RBFOX1: variants seen among roughly 807,000 people sequenced by gnomAD.
The protein encoded by RBFOX1 is RNA binding protein fox-1 homolog 1.
Under a neutral mutation model 57.7 loss-of-function variants are expected in RBFOX1, and 8 were observed. The ratio of observed to expected loss-of-function variants is 0.14; its 90% confidence interval spans 0.08 to 0.25. RBFOX1 has a LOEUF of 0.25. Among genes scored for constraint, RBFOX1 ranks in the 10% least tolerant of loss-of-function variants. The pLI is 1.00. For missense variants in RBFOX1, 611 were observed against 548.5 expected (o/e 1.11, Z -1.14); for synonymous variants, 326 against 222.4 (o/e 1.47, Z -4.15).
intron 4 of RBFOX1, among the ~76,000 whole-genome samples, chr16:7,493,096 C>G (rs912368138): frequency 6.6e-6 from 1 of 152,170 alleles, no homozygotes; most frequent in Non-Finnish European, 1.5e-5. Context: ...TCAGGCTGGT[C>G]TCAAACTCCT....
chr16:6,121,806 C>G (rs2096551881), intron 1 of RBFOX1, among the ~76,000 whole-genome samples: 1 of 152,210 alleles, frequency 6.6e-6, no homozygotes, highest in Non-Finnish European at 1.5e-5. Context: ...GAAGGAATAA[C>G]TAATGGTACC....
In RBFOX1 at chr16:7,241,752, C is replaced by A. The variant is rs149221030; in HGVS notation, c.27+189654C>A. On this transcript the variant is annotated intron_variant, in intron 4 of 15. Transcript: ENST00000550418. ...ATATACACAAACACACACACATGCC[C>A]ATTTTCTCATCCCCCCTTCTTTTTC... Among the ~76,000 whole-genome samples, 731 of 152,086 alleles carry A rather than the reference C, an allele frequency of 4.8e-3. 10 individuals are homozygous for A. Among genetic ancestry groups the A allele is most frequent in the African/African-American group, 0.017 (705 of 41,492 alleles).
At chr16:5,594,323 T>A (rs1352152) in intron 2 of RBFOX1, among the ~76,000 whole-genome samples, 21,887 of 152,134 alleles carry the variant, frequency 0.14, 2,144 homozygotes, top group East Asian at 0.47. Context: ...CAAGATTACA[T>A]GAATATGTCT....
At chr16:6,600,162 A>T (rs566116528) in intron 2 of RBFOX1, among the ~76,000 whole-genome samples, 1 of 152,276 alleles carries the variant, frequency 6.6e-6, no homozygotes, top group South Asian at 2.1e-4. Flanking sequence ...ACACAGAATC[A>T]GATTATTATT....
chr16:6,771,745 G>A (rs577251259), intron 3 of RBFOX1, among the ~76,000 whole-genome samples: 1 of 152,182 alleles, frequency 6.6e-6, no homozygotes, highest in African/African-American at 2.4e-5. Flanking sequence ...CAGGGATGCT[G>A]TTTAACATCT....
At chr16:7,706,978 C>T (rs1370196238) in intron 14 of RBFOX1, among the ~76,000 whole-genome samples, 2 of 152,076 alleles carry the variant, frequency 1.3e-5, no homozygotes, top group Non-Finnish European at 2.9e-5. Flanking sequence ...GAAGGATAAT[C>T]GTTGATTAAA....
At chr16:5,565,985 T>C (rs974745671) in intron 2 of RBFOX1, among the ~76,000 whole-genome samples, 1 of 152,102 alleles carries the variant, frequency 6.6e-6, no homozygotes, top group East Asian at 1.9e-4. Context: ...AGTGAATAAG[T>C]CTCCTGAGAT....
At chr16:7,352,194 C>T (rs1384540908) in intron 4 of RBFOX1, among the ~76,000 whole-genome samples, 6 of 152,254 alleles carry the variant, frequency 3.9e-5, no homozygotes, top group African/African-American at 1.2e-4. Flanking sequence ...GGCAGATTTG[C>T]AGCTTTGAGG....
At chr16:6,182,198 C>T (rs1345793352) in intron 1 of RBFOX1, among the ~76,000 whole-genome samples, 4 of 152,036 alleles carry the variant, frequency 2.6e-5, no homozygotes, top group Non-Finnish European at 4.4e-5. Flanking sequence ...ATGCAGAAAT[C>T]GTGAATGACT....
At chr16:5,832,436 C>A (rs1375168636) in intron 3 of RBFOX1, among the ~76,000 whole-genome samples, 1 of 152,226 alleles carries the variant, frequency 6.6e-6, no homozygotes, top group Non-Finnish European at 1.5e-5. Context: ...TACTTGACAT[C>A]TGTGTGCCTT....
intron 2 of RBFOX1, among the ~76,000 whole-genome samples, chr16:6,453,012 T>G (rs1788435392): frequency 6.6e-6 from 1 of 152,204 alleles, no homozygotes; most frequent in South Asian, 2.1e-4. Context: ...GCAATTAAAT[T>G]GTCTTTCTTT....
intron 1 of RBFOX1, among the ~76,000 whole-genome samples, chr16:6,274,181 C>G (rs2075543294): frequency 1.3e-5 from 2 of 152,130 alleles, no homozygotes; most frequent in South Asian, 4.2e-4. Flanking sequence ...ATCAGATAAC[C>G]TAGTAATTGC....
intron 2 of RBFOX1, among the ~76,000 whole-genome samples, chr16:6,601,655 A>G (rs1396560745): frequency 6.6e-6 from 1 of 152,172 alleles, no homozygotes; most frequent in Non-Finnish European, 1.5e-5. Context: ...TCTCAGAGGT[A>G]CATATTAAAA....
At chr16:6,195,024 G>T (rs1243871875) in intron 1 of RBFOX1, among the ~76,000 whole-genome samples, 2 of 152,028 alleles carry the variant, frequency 1.3e-5, no homozygotes, top group African/African-American at 4.8e-5. Context: ...CATTACTCTA[G>T]GCCAGTTTTT....
intron 2 of RBFOX1, among the ~76,000 whole-genome samples, chr16:6,369,740 C>T (rs1479163010): frequency 6.6e-6 from 1 of 152,212 alleles, no homozygotes; most frequent in Non-Finnish European, 1.5e-5. Context: ...ATTTTTAATA[C>T]TCTTACCTAT....
chr16:7,600,562 G>C (rs1199354498), intron 9 of RBFOX1, among the ~76,000 whole-genome samples: 2 of 152,150 alleles, frequency 1.3e-5, no homozygotes, highest in African/African-American at 2.4e-5. Context: ...CCATCGGTGA[G>C]GTTCACTCAT....
Position 5,470,252 on chromosome 16 carries a change from T to C in RBFOX1, c.258+2998T>C, listed in dbSNP as rs191428211. 3.3e-5 allele frequency among the ~76,000 whole-genome samples: 5 copies of C among 152,290 alleles called. No homozygotes were observed. The East Asian group carries it at 9.7e-4, about 29-fold the overall frequency. ...CCCTGGGTAGCATGGTTCTAGGCTG[T>C]GCACTGGGCTTGGGCAAAGAAGGGG... On this transcript the variant is annotated intron_variant, in intron 2 of 2. Coordinates refer to the RBFOX1 transcript ENST00000585867.
rs80310357 is a variant in RBFOX1 at position 5,536,738 on chromosome 16, G to A, written c.259-62164G>A. Among the ~76,000 whole-genome samples, 22 of 152,172 alleles carry A rather than the reference G, an allele frequency of 1.4e-4. No individual in the cohort carries two copies. In the South Asian group the frequency reaches 4.4e-3, roughly 30 times the overall value. On this transcript the variant is annotated intron_variant, in intron 2 of 2. Transcript: ENST00000585867. ...AGGAAGAGAAATGGGTCAACAGGGA[G>A]CAGGTGGTTGAATGAGGGATGTAAC... is the stretch of plus-strand genomic sequence containing the variant.
chr16:5,548,719 T>C (rs2045335150), intron 2 of RBFOX1, among the ~76,000 whole-genome samples: 1 of 152,144 alleles, frequency 6.6e-6, no homozygotes, highest in African/African-American at 2.4e-5. Flanking sequence ...ATGATGGATA[T>C]TTCACTGTCT....
Sources: allele counts gnomAD v4.1 joint callset (sites outside exome capture counted in the v4.1 genomes callset), GRCh38; gene constraint gnomAD v4.1.1; transcripts MANE v1.5; gene names NCBI Gene and HGNC (gene_info 2026-07-23, HGNC 2026-07-21).